Variants in SPTBN1 observed in about 807,000 individuals in gnomAD.
SPTBN1 encodes the protein spectrin beta, non-erythrocytic 1.
SPTBN1 carries 32 observed loss-of-function variants against 266.4 expected under a neutral mutation model. The observed-to-expected ratio is 0.12, with a 90% confidence interval of 0.09 to 0.16. SPTBN1 has a LOEUF of 0.16. SPTBN1 is among the 10% of genes least tolerant of loss of function. The probability of loss-of-function intolerance (pLI) is 1.00; values close to 1 mark genes in which losing one functional copy is unlikely to be tolerated. For missense variants in SPTBN1, 2,296 were observed against 3,067.1 expected (o/e 0.75, Z 5.94); for synonymous variants, 1,336 against 1,162.2 (o/e 1.15, Z -3.04).
At chr2:54,562,355 G>T (rs562816048) in intron 2 of SPTBN1, among the ~76,000 whole-genome samples, 1 of 151,956 alleles carries the variant, frequency 6.6e-6, no homozygotes, top group African/African-American at 2.4e-5. Context: ...AAGATTCTCC[G>T]TAAAATGGCC....
chr2:54,656,049 G>C, intron 29 of SPTBN1, 51 bp downstream of exon 29: 1 of 1,480,804 alleles, frequency 6.8e-7, no homozygotes. Context: ...TGGAAAACAT[G>C]CACGTTTATT....
At chr2:54,524,394 C>T (rs1176156833) in intron 1 of SPTBN1, among the ~76,000 whole-genome samples, 2 of 152,126 alleles carry the variant, frequency 1.3e-5, no homozygotes, top group Non-Finnish European at 2.9e-5. Flanking sequence ...CATTTAACCA[C>T]ACCCATAGGC....
intron 1 of SPTBN1, among the ~76,000 whole-genome samples, chr2:54,491,175 T>C (rs1284864179): frequency 6.6e-6 from 1 of 152,226 alleles, no homozygotes; most frequent in Non-Finnish European, 1.5e-5. Context: ...TTGTAAATTT[T>C]GGGGTCCAGA....
intron 5 of SPTBN1, among the ~76,000 whole-genome samples, 190 bp downstream of exon 5, chr2:54,616,488 A>T (rs1397801720): frequency 6.6e-6 from 1 of 152,210 alleles, no homozygotes; most frequent in African/African-American, 2.4e-5. Context: ...TATATTTTAG[A>T]CCTGTCATGT....
At chr2:54,593,675 C>T (rs2103630609) in intron 2 of SPTBN1, among the ~76,000 whole-genome samples, 1 of 152,078 alleles carries the variant, frequency 6.6e-6, no homozygotes, top group South Asian at 2.1e-4. Context: ...CATAGTGGGC[C>T]ACAGAGACAG....
chr2:54,651,021 G>C (rs529279031), intron 26 of SPTBN1, among the ~76,000 whole-genome samples: 2 of 152,128 alleles, frequency 1.3e-5, no homozygotes, highest in Admixed American at 6.6e-5. Flanking sequence ...CTAAGCTTTG[G>C]TTCCCTAATA....
rs77981349 is a variant in SPTBN1 at position 54,626,569 on chromosome 2, T to C, written c.1644+335T>C. On this transcript the variant is annotated intron_variant, in intron 12 of 35. Transcript: ENST00000356805. This position sits in a 1 kb window ranked among gnomAD's most constrained non-coding sequence, Gnocchi z 4.7. ...ACTTACCGTTTCATTGATCTGTGAG[T>C]GAGTGGTACTACTTTGGGCAGGGGT... Among the ~76,000 whole-genome samples, 1,862 of 152,226 alleles carry C rather than the reference T, an allele frequency of 0.012. 25 individuals are homozygous for C. Among genetic ancestry groups the C allele is most frequent in the Middle Eastern group, 0.037 (11 of 294 alleles).
chr2:54,500,105 A>G (rs1669171888), intron 1 of SPTBN1, among the ~76,000 whole-genome samples: 1 of 152,246 alleles, frequency 6.6e-6, no homozygotes, highest in East Asian at 1.9e-4. Flanking sequence ...GAGAATGAAC[A>G]AATGTTTTAG....
intron 23 of SPTBN1, 33 bp from the exon 24 acceptor site, chr2:54,647,098 C>T (rs758330156): frequency 6.2e-6 from 10 of 1,613,834 alleles, no homozygotes; most frequent in East Asian, 2.2e-5. Flanking sequence ...CAGAGGGGAC[C>T]GCTATGGTTG....
In SPTBN1 at chr2:54,628,833, TAATCATAA is replaced by T; in HGVS notation, c.1799-99_1799-92del. The T allele has an allele frequency of 1.4e-6, 2 of 1,437,142 alleles. No homozygotes were observed. Among genetic ancestry groups the T allele is most frequent in the East Asian group, 2.3e-5 (1 of 43,518 alleles). 89.0% of individuals were successfully genotyped at this position (1,437,142 alleles called of 1,614,324 possible). On this transcript the variant is annotated intron_variant, in intron 13 of 35. Coordinates refer to ENST00000356805, the MANE Select transcript of SPTBN1 (RefSeq NM_003128.3). The surrounding 1 kb of genome is among the most constrained non-coding windows in gnomAD (Gnocchi z 4.3). ...GCATTTACATTTAGCAGTGAGCTGGTAATCATAAGAATATGGGGTGTAGCTTACTGCCT... is the reference window on the plus strand; with the variant it reads ...GCATTTACATTTAGCAGTGAGCTGGTGAATATGGGGTGTAGCTTACTGCCT...
intron 15 of SPTBN1, among the ~76,000 whole-genome samples, chr2:54,630,368 T>C (rs774248215): frequency 3.9e-5 from 6 of 152,232 alleles, no homozygotes; most frequent in Non-Finnish European, 8.8e-5. Flanking sequence ...AACAGGACTC[T>C]AGCATGTTTA....
At chr2:54,549,289 CAAAA>C (rs35199228) in intron 2 of SPTBN1, among the ~76,000 whole-genome samples, 11 of 108,760 alleles carry the variant, frequency 1.0e-4, no homozygotes, top group African/African-American at 1.0e-4. Context: ...AACTCTGTCT[CAAAA>C]AAAAAAAAAA....
At chr2:54,612,542 A>G (rs374538973) in intron 4 of SPTBN1, among the ~76,000 whole-genome samples, 4 of 152,254 alleles carry the variant, frequency 2.6e-5, no homozygotes. Context: ...CAATTGTACT[A>G]GCCCTGGTAA....
In SPTBN1 at chr2:54,669,169, T is replaced by C. The variant is rs1013305248; in HGVS notation, c.*600T>C. 1.3e-5 allele frequency: 2 copies of C among 152,520 alleles called. No homozygotes were observed. The highest frequency in any genetic ancestry group is 2.1e-4 in the South Asian group (1 of 4,860). 9.4% of individuals were successfully genotyped at this position (152,520 alleles called of 1,614,324 possible). On this transcript the variant is annotated 3_prime_UTR_variant, in exon 36 of 36. Transcript: ENST00000356805. ...TGCGGCTTTTCTGCATCAACTGCTA[T>C]GACGGTTAAGAATGTCAGTATACAA...
At chr2:54,572,218 C>G (rs772170010) in intron 2 of SPTBN1, among the ~76,000 whole-genome samples, 1 of 152,120 alleles carries the variant, frequency 6.6e-6, no homozygotes, top group Non-Finnish European at 1.5e-5. Context: ...CTTTTTCCCC[C>G]CTTTCTTTTG....
intron 18 of SPTBN1, among the ~76,000 whole-genome samples, chr2:54,638,235 G>A (rs1428163680): frequency 1.3e-5 from 2 of 152,210 alleles, no homozygotes; most frequent in African/African-American, 4.8e-5. Flanking sequence ...AAAGGAAGTT[G>A]TATTGGATAT....
chr2:54,635,981 C>A (rs559182481), intron 17 of SPTBN1, among the ~76,000 whole-genome samples: 17 of 152,268 alleles, frequency 1.1e-4, no homozygotes, highest in African/African-American at 3.6e-4. Flanking sequence ...TGATAGATGG[C>A]AATGGCATAA....
intron 8 of SPTBN1, 90 bp downstream of exon 8, chr2:54,621,602 G>A: frequency 1.0e-6 from 1 of 979,686 alleles, no homozygotes; most frequent in Admixed American, 1.8e-5. Flanking sequence ...TTTGCCAATA[G>A]CAATTTGTAG....
At chr2:54,614,679 T>TA (rs1406110299) in intron 4 of SPTBN1, among the ~76,000 whole-genome samples, 1 of 151,902 alleles carries the variant, frequency 6.6e-6, no homozygotes, top group Non-Finnish European at 1.5e-5. Context: ...GGCAGACACC[T>TA]ATGATCCCAG....
Sources: gnomAD v4.1 joint callset for allele counts (sites outside exome capture counted in the v4.1 genomes callset) on GRCh38, gnomAD v4.1.1 for gene constraint, Gnocchi (gnomAD v3.1) non-coding constraint, MANE v1.5 for transcripts, NCBI Gene and HGNC (gene_info 2026-07-23, HGNC 2026-07-21) for gene names.